The following APBA1 variants were observed in gnomAD, a reference collection of about 807,000 sequenced individuals.
APBA1 encodes amyloid beta precursor protein binding family A member 1, also known as amyloid-beta A4 precursor protein-binding family A member 1.
APBA1 carries 55 observed loss-of-function variants against 86.6 expected under a neutral mutation model. That is an observed-to-expected ratio of 0.64 (90% CI 0.51 to 0.80). The LOEUF is 0.80. Among genes scored for constraint, APBA1 ranks in the 30% least tolerant of loss-of-function variants. The pLI is 0.00. For missense variants in APBA1, 1,090 were observed against 1,183.0 expected (o/e 0.92, Z 1.15); for synonymous variants, 511 against 493.9 (o/e 1.03, Z -0.46).
intron 1 of APBA1, among the ~76,000 whole-genome samples, chr9:69,528,403 T>A (rs1277408658): frequency 6.6e-6 from 1 of 152,098 alleles, no homozygotes; most frequent in Admixed American, 6.6e-5. Context: ...CATTTATCAT[T>A]CTGATTCCAA....
At chr9:69,669,835 C>T (rs1419951201) in intron 1 of APBA1, among the ~76,000 whole-genome samples, 1 of 152,150 alleles carries the variant, frequency 6.6e-6, no homozygotes, top group Non-Finnish European at 1.5e-5. Context: ...ATTCCTGAGT[C>T]ATCGATTTTG....
Position 69,533,717 on chromosome 9 carries a change from T to C in APBA1, c.-69-16438A>G, listed in dbSNP as rs562223429. Among the ~76,000 whole-genome samples the C allele has an allele frequency of 3.3e-5, 5 of 152,354 alleles. No homozygotes were observed. In the East Asian group the frequency reaches 7.7e-4, roughly 23 times the overall value. On this transcript the variant is annotated intron_variant, in intron 1 of 12. Transcript: ENST00000265381. Reference sequence around the variant, plus strand: ...GAACTTCTAGTCCAGGCTGTGGTCATTCACATCTGTGCTCCAGAAATTCAA... The same window carrying C: ...GAACTTCTAGTCCAGGCTGTGGTCACTCACATCTGTGCTCCAGAAATTCAA...
intron 2 of APBA1, among the ~76,000 whole-genome samples, chr9:69,491,841 T>G (rs1202615979): frequency 6.6e-6 from 1 of 151,138 alleles, no homozygotes; most frequent in Non-Finnish European, 1.5e-5. Flanking sequence ...CTCAGTTCAC[T>G]GCAACCTCCG....
intron 1 of APBA1, among the ~76,000 whole-genome samples, chr9:69,668,920 T>A (rs1350996229): frequency 6.6e-6 from 1 of 152,220 alleles, no homozygotes; most frequent in Non-Finnish European, 1.5e-5. Context: ...GAAGTCACTT[T>A]GTACCCTGTG....
At chr9:69,524,059 A>C (rs1468387952) in intron 1 of APBA1, among the ~76,000 whole-genome samples, 1 of 152,194 alleles carries the variant, frequency 6.6e-6, no homozygotes, top group Non-Finnish European at 1.5e-5. Flanking sequence ...CACAGATACC[A>C]AAATCTCTGG....
chr9:69,635,241 G>T (rs146231860), intron 1 of APBA1, among the ~76,000 whole-genome samples: 136 of 152,178 alleles, frequency 8.9e-4, no homozygotes, highest in African/African-American at 2.2e-3. Flanking sequence ...GCATACAGTT[G>T]TTATTACTTT....
At chr9:69,633,681 T>C (rs983911376) in intron 1 of APBA1, among the ~76,000 whole-genome samples, 3 of 152,188 alleles carry the variant, frequency 2.0e-5, no homozygotes, top group Non-Finnish European at 4.4e-5. Context: ...TTTGCTACCA[T>C]GCCCTTGAGA....
At chr9:69,620,401 C>T (rs1414681627) in intron 1 of APBA1, among the ~76,000 whole-genome samples, 1 of 152,172 alleles carries the variant, frequency 6.6e-6, no homozygotes, top group Non-Finnish European at 1.5e-5. Context: ...AGAGTGCCGG[C>T]CAGGCATGGT....
intron 1 of APBA1, among the ~76,000 whole-genome samples, chr9:69,565,507 A>T (rs928743259): frequency 6.6e-6 from 1 of 152,138 alleles, no homozygotes; most frequent in Non-Finnish European, 1.5e-5. Flanking sequence ...TCATACCCCA[A>T]TAGGCAGCTG....
chr9:69,554,468 T>A (rs1451918306), intron 1 of APBA1, among the ~76,000 whole-genome samples: 1 of 152,212 alleles, frequency 6.6e-6, no homozygotes, highest in Non-Finnish European at 1.5e-5. Flanking sequence ...TAGGTACAAC[T>A]AACTCACTTG....
chr9:69,540,362 A>T (rs1043424956), intron 1 of APBA1, among the ~76,000 whole-genome samples: 3 of 151,870 alleles, frequency 2.0e-5, no homozygotes, highest in Non-Finnish European at 2.9e-5. Flanking sequence ...ATTTTTTTTT[A>T]AATTATGGTA....
chr9:69,579,127 T>C (rs1821864136), intron 1 of APBA1, among the ~76,000 whole-genome samples: 1 of 152,062 alleles, frequency 6.6e-6, no homozygotes, highest in African/African-American at 2.4e-5. Context: ...CCTCTGCTTG[T>C]TAACATGTGA....
chr9:69,622,092 T>C (rs2133990641), intron 1 of APBA1, among the ~76,000 whole-genome samples: 1 of 152,252 alleles, frequency 6.6e-6, no homozygotes, highest in African/African-American at 2.4e-5. Flanking sequence ...AAGCCCAGAC[T>C]CTGAAATTAT....
intron 1 of APBA1, among the ~76,000 whole-genome samples, chr9:69,580,823 C>T (rs925620082): frequency 1.3e-5 from 2 of 152,186 alleles, no homozygotes; most frequent in Non-Finnish European, 2.9e-5. Context: ...ATATCCCTCT[C>T]CATGTCACCT....
chr9:69,538,517 T>C (rs1247875570), intron 1 of APBA1, among the ~76,000 whole-genome samples: 1 of 152,216 alleles, frequency 6.6e-6, no homozygotes, highest in Non-Finnish European at 1.5e-5. Flanking sequence ...CAAGTGGCTA[T>C]TCCAACTCTC....
chr9:69,433,632 G>T (rs918284806), intron 11 of APBA1, among the ~76,000 whole-genome samples: 2 of 152,076 alleles, frequency 1.3e-5, no homozygotes, highest in African/African-American at 4.8e-5. Flanking sequence ...ATGAAAAGAT[G>T]ATCTCAGAGC....
At chr9:69,621,482 A>T (rs1822816925) in intron 1 of APBA1, among the ~76,000 whole-genome samples, 1 of 152,158 alleles carries the variant, frequency 6.6e-6, no homozygotes, top group African/African-American at 2.4e-5. Context: ...CCATGGAGAA[A>T]CTGTATGGTG....
chr9:69,555,103 C>T (rs777431491), intron 1 of APBA1, among the ~76,000 whole-genome samples: 7 of 152,168 alleles, frequency 4.6e-5, no homozygotes, highest in Non-Finnish European at 1.0e-4. Context: ...ATCAGAAAGT[C>T]ATTTTGCTTG....
chr9:69,625,491 T>C (rs1295598802), intron 1 of APBA1, among the ~76,000 whole-genome samples: 2 of 152,120 alleles, frequency 1.3e-5, no homozygotes, highest in East Asian at 3.9e-4. Flanking sequence ...CTAGAACTGT[T>C]CCTAGCACAT....
Sources: allele counts gnomAD v4.1 joint callset (sites outside exome capture counted in the v4.1 genomes callset), GRCh38; gene constraint gnomAD v4.1.1; transcripts MANE v1.5; gene names NCBI Gene and HGNC (gene_info 2026-07-23, HGNC 2026-07-21).